The following SYCP2 variants were observed in gnomAD, a reference collection of about 807,000 sequenced individuals.
SYCP2 encodes synaptonemal complex lateral element protein.
A neutral mutation model predicts 211.3 loss-of-function variants in SYCP2; 55 were observed. The ratio of observed to expected loss-of-function variants is 0.26; its 90% CI spans 0.21 to 0.33. The LOEUF is 0.33. SYCP2 is among the 10% of genes least tolerant of loss of function. The pLI is 1.00. For missense variants in SYCP2, 1,731 were observed against 1,752.0 expected (o/e 0.99, Z 0.21); for synonymous variants, 570 against 555.2 (o/e 1.03, Z -0.37).
intron 7 of SYCP2, among the ~76,000 whole-genome samples, chr20:59,917,676 CCTTT>C (rs1440927858): frequency 2.6e-5 from 4 of 152,086 alleles, no homozygotes; most frequent in Non-Finnish European, 5.9e-5. Context: ...ACAACAAGTA[CCTTT>C]ATTTATAAAT....
chr20:59,925,123 A>T (rs2060610473), intron 2 of SYCP2, among the ~76,000 whole-genome samples: 1 of 152,090 alleles, frequency 6.6e-6, no homozygotes, highest in South Asian at 2.1e-4. Context: ...CATAAAAGAC[A>T]ACTGATAAGT....
At chr20:59,900,850 T>A (rs778357249) in intron 16 of SYCP2, 32 bp from the exon 17 acceptor site, 7 of 1,368,142 alleles carry the variant, frequency 5.1e-6, no homozygotes, top group Non-Finnish European at 7.3e-6. Flanking sequence ...GTGATGACAT[T>A]TTCTTCATTT....
At chr20:59,916,887 C>T (rs1313121232) in intron 7 of SYCP2, among the ~76,000 whole-genome samples, 1 of 152,026 alleles carries the variant, frequency 6.6e-6, no homozygotes, top group African/African-American at 2.4e-5. Context: ...CCACTGTACT[C>T]CAGCCTGGGT....
In SYCP2 at chr20:59,863,662, A is replaced by G. The variant is rs973096854; in HGVS notation, c.*649T>C. On this transcript the variant is annotated 3_prime_UTR_variant, in exon 45 of 45. Transcript: ENST00000357552. Reference sequence around the variant, plus strand: ...CATTTTTATAAATTAATCTAGCAAGATATTACAATGACTACTAGATTAAAA... The same window carrying G: ...CATTTTTATAAATTAATCTAGCAAGGTATTACAATGACTACTAGATTAAAA... 2.6e-5 allele frequency: 4 copies of G among 152,006 alleles called. No homozygotes were observed. Among genetic ancestry groups the G allele is most frequent in the African/African-American group, 4.8e-5 (2 of 41,420 alleles). 9.4% of individuals were successfully genotyped at this position (152,006 alleles called of 1,614,324 possible).
intron 30 of SYCP2, 59 bp from the exon 31 acceptor site, chr20:59,880,530 G>T: frequency 1.9e-6 from 2 of 1,040,752 alleles, no homozygotes; most frequent in Non-Finnish European, 2.7e-6. Context: ...GTCATGCAAG[G>T]TAAGTTAAAC....
In SYCP2 at chr20:59,877,437, G is replaced by A. The variant is rs2059582828; in HGVS notation, c.3098C>T (p.Ser1033Leu). The stretch of plus-strand genomic sequence containing the variant: ...ATGTGAAAATTCTTGTTCACACTCT[G>A]ATTCTGAATTTGAGAGATCTTTATA... ...KNYKDLSNSE[S>L]ECEQEFSHSF... Residue 1033 changes from serine to leucine, a missense_variant, in exon 33 of 45, where the codon TCA becomes TTA. Ser to Leu is a moderately radical substitution (Grantham distance 145). Around this residue, in one of 3 missense-constraint regions of SYCP2, gnomAD observed 1,387 missense variants for 1,351.3 expected, o/e 1.03. Coordinates refer to ENST00000357552, the MANE Select transcript of SYCP2 (RefSeq NM_014258.4). 1 of 1,601,892 alleles carries A rather than the reference G, an allele frequency of 6.2e-7. No homozygotes were observed. The highest frequency in any genetic ancestry group is 8.5e-7 in the Non-Finnish European group (1 of 1,176,826).
intron 7 of SYCP2, among the ~76,000 whole-genome samples, chr20:59,917,741 C>A (rs550791124): frequency 6.6e-6 from 1 of 152,266 alleles, no homozygotes; most frequent in African/African-American, 2.4e-5. Flanking sequence ...TCAATCAACA[C>A]AGAGCTAAAA....
chr20:59,877,491 G>T lies in SYCP2; in HGVS notation c.3044C>A (p.Pro1015Gln). 6.2e-7 allele frequency: 1 copy of T among 1,605,746 alleles called. No homozygotes were observed. The change falls in exon 33 of 45, where the codon CCA becomes CAA. Residue 1015 changes from proline (P) to glutamine (Q), a missense_variant. Transcript: ENST00000357552. Reference protein sequence around the residue: ...KTIPEGRIRLPRKATKTKKNY... With the variant: ...KTIPEGRIRLQRKATKTKKNY... Reference sequence around the variant, plus strand: ...TTTTTTTGTTTTGGTTGCTTTTCGTGGAAGTCTGATTCTTCCTTCCGGAAT... The same window carrying T: ...TTTTTTTGTTTTGGTTGCTTTTCGTTGAAGTCTGATTCTTCCTTCCGGAAT...
chr20:59,879,079 T>C (rs1199130132), intron 31 of SYCP2, among the ~76,000 whole-genome samples: 1 of 152,100 alleles, frequency 6.6e-6, no homozygotes, highest in African/African-American at 2.4e-5. Context: ...AATCTTCTAC[T>C]TTATGTTATA....
chr20:59,910,232 AAG>A (rs560766012), intron 14 of SYCP2, among the ~76,000 whole-genome samples: 29 of 152,240 alleles, frequency 1.9e-4, no homozygotes, highest in Non-Finnish European at 2.1e-4. Context: ...GGAAATTCAG[AAG>A]AGAGAGGATT....
rs983498017 is a variant in SYCP2, at chr20:59,865,619, C to G, written c.4412G>C (p.Ser1471Thr). 6 of 1,602,062 alleles carry G rather than the reference C, an allele frequency of 3.7e-6. No individual in the cohort carries two copies. Among genetic ancestry groups the G allele is most frequent in the Non-Finnish European group, 5.1e-6 (6 of 1,175,738 alleles). Reference sequence around the variant, plus strand: ...TTCACTATCAGTATTACAGAAGACACTTTTAGCCAATGAAGTTTTCAAAAG... The same window carrying G: ...TTCACTATCAGTATTACAGAAGACAGTTTTAGCCAATGAAGTTTTCAAAAG... ...LHLLKTSLAK[S>T]VFCNTDSEET... Residue 1471 changes from serine (S) to threonine (T), a missense_variant, in exon 43 of 45, where the codon AGT becomes ACT. By Grantham distance (58) the Ser-to-Thr change is moderately conservative. Around this residue, in one of 3 missense-constraint regions of SYCP2, gnomAD observed 1,387 missense variants for 1,351.3 expected, o/e 1.03. Coordinates refer to ENST00000357552, the MANE Select transcript of SYCP2 (RefSeq NM_014258.4).
chr20:59,910,902 T>C lies in SYCP2; in HGVS notation c.972+848A>G, dbSNP rs114842957. Among the ~76,000 whole-genome samples, 1,125 of 152,004 alleles carry C rather than the reference T, an allele frequency of 7.4e-3. 17 individuals carry two copies. The highest frequency in any genetic ancestry group is 0.026 in the African/African-American group (1,058 of 41,480). On this transcript the variant is annotated intron_variant, in intron 14 of 44. Coordinates refer to ENST00000357552, the MANE Select transcript of SYCP2 (RefSeq NM_014258.4). ...TGCCCCTGAGAAGCAGTGCTAGTCATTGGAACTCAATTTTAAGCATTCTAA... is the reference window on the plus strand; with the variant it reads ...TGCCCCTGAGAAGCAGTGCTAGTCACTGGAACTCAATTTTAAGCATTCTAA...
At position 59,914,096 on chromosome 20, in the gene SYCP2, T is replaced by C; in HGVS notation, c.777+13A>G. On this transcript the variant is annotated intron_variant, in intron 11 of 44. Transcript: ENST00000357552. ...AAAAATTCACGAATTTCTGTTATTGTTATACAACTTACTGTTTCAAATTCA... is the reference window on the plus strand; with the variant it reads ...AAAAATTCACGAATTTCTGTTATTGCTATACAACTTACTGTTTCAAATTCA... 1 of 1,588,992 alleles carries C rather than the reference T, an allele frequency of 6.3e-7. No homozygotes were observed. The highest frequency in any genetic ancestry group is 8.6e-7 in the Non-Finnish European group (1 of 1,167,262).
chr20:59,891,967 A>G (rs1320579195), intron 24 of SYCP2, 23 bp downstream of exon 24: 2 of 1,551,818 alleles, frequency 1.3e-6, no homozygotes, highest in Non-Finnish European at 1.7e-6. Flanking sequence ...ATATGCAGAA[A>G]TCAAAACACA....
In SYCP2 at chr20:59,893,154, C is replaced by CT; in HGVS notation, c.1780dup (p.Arg594LysfsTer17). The CT allele has an allele frequency of 6.2e-7, 1 of 1,602,422 alleles. No homozygotes were observed. The highest frequency in any genetic ancestry group is 8.5e-7 in the Non-Finnish European group (1 of 1,172,962). ...TTCTCATACTTACATAGTATGATCT[C>CT]TTTTTTCCGCTGCCTGTGAATCTGG... On this transcript the variant is annotated frameshift_variant, in exon 22 of 45. Transcript: ENST00000357552. LOFTEE classifies it high-confidence loss of function.
intron 37 of SYCP2, 97 bp downstream of exon 37, chr20:59,868,738 A>C: frequency 7.8e-7 from 1 of 1,278,202 alleles, no homozygotes; most frequent in East Asian, 2.5e-5. Flanking sequence ...CATTAAGTTG[A>C]ATAACGGTAT....
At position 59,881,449 on chromosome 20, in the gene SYCP2, C is replaced by T. The variant is rs757123599; in HGVS notation, c.2702G>A (p.Arg901Lys). 6.5e-7 allele frequency: 1 copy of T among 1,531,714 alleles called. No homozygotes were observed. Among genetic ancestry groups the T allele is most frequent in the Non-Finnish European group, 8.8e-7 (1 of 1,129,982 alleles). 94.9% of individuals were successfully genotyped at this position (1,531,714 alleles called of 1,614,324 possible). A position where few individuals can be genotyped will look rare whatever the true frequency, so the allele number is the denominator to read the frequency against. ...TAAAAATACCTACAATCTAATTGAC[C>T]TATCCGCACAAGCTTCTTTAGCTGT... is the stretch of plus-strand genomic sequence containing the variant. ...QATAKEACAD[R>K]SIRLVGPRNH... The change falls in exon 29 of 45, where the codon AGG (arginine) becomes AAG (lysine). Residue 901 changes from arginine to lysine, a missense_variant. By Grantham distance (26) the Arg-to-Lys change is conservative. Around this residue, in one of 3 missense-constraint regions of SYCP2, gnomAD observed 1,387 missense variants for 1,351.3 expected, o/e 1.03. Transcript: ENST00000357552.
chr20:59,875,310 A>G lies in SYCP2; in HGVS notation c.3310T>C (p.Ser1104Pro), dbSNP rs758373130. Residue 1104 changes from serine to proline, a missense_variant, in exon 34 of 45, where the codon TCT (serine) becomes CCT (proline). This residue lies in a region of SYCP2 where 1,387 missense variants were observed against 1,351.3 expected (regional missense o/e 1.03). Transcript: ENST00000357552. The part of the protein sequence containing the change: ...RDNCLDLSPR[S>P]LSGSPSSIEV... ...ATAGATGATGGACTGCCAGATAAAG[A>G]TCTGGGAGATAAGTCAAGGCAATTA... 1 of 1,611,474 alleles carries G rather than the reference A, an allele frequency of 6.2e-7. No homozygotes were observed.
intron 27 of SYCP2, 46 bp from the exon 28 acceptor site, chr20:59,882,048 T>G: frequency 6.2e-7 from 1 of 1,603,668 alleles, no homozygotes; most frequent in Non-Finnish European, 8.5e-7. Context: ...ATATGTGTAG[T>G]CTCTTCAAAT....
Sources: gnomAD v4.1 joint callset for allele counts (sites outside exome capture counted in the v4.1 genomes callset) on GRCh38, gnomAD v4.1.1 for gene constraint, gnomAD v4.1.1 regional missense constraint, MANE v1.5 for transcripts, NCBI Gene and HGNC (gene_info 2026-07-23, HGNC 2026-07-21) for gene names.